The following SNX24 variants were observed in gnomAD, a reference collection of about 807,000 sequenced individuals.
SNX24 encodes sorting nexin 24.
Under a neutral mutation model 28.7 loss-of-function variants are expected in SNX24, and 22 were observed. The observed-to-expected ratio is 0.77, with a 90% CI of 0.55 to 1.10. The LOEUF (loss-of-function observed/expected upper bound fraction) is 1.10. SNX24 is among the 50% of genes least tolerant of loss of function. The probability of loss-of-function intolerance (pLI) is 0.00; values close to 1 mark genes in which losing one functional copy is unlikely to be tolerated. For synonymous variants in SNX24, 69 were observed against 71.5 expected (o/e 0.96, Z 0.18); for missense variants, 221 against 201.1 (o/e 1.10, Z -0.60).
chr5:123,000,610 T>C (rs528684276), intron 4 of SNX24, among the ~76,000 whole-genome samples: 21 of 152,314 alleles, frequency 1.4e-4, no homozygotes, highest in Admixed American at 9.8e-4. Flanking sequence ...TCTAAACCCA[T>C]TGGTCCTAAC....
chr5:122,884,564 C>A (rs901292180), intron 1 of SNX24, among the ~76,000 whole-genome samples: 2 of 151,744 alleles, frequency 1.3e-5, no homozygotes, highest in Non-Finnish European at 2.9e-5. Flanking sequence ...TTCTTTATCA[C>A]ATAAAAAAAA....
chr5:122,999,947 G>T lies in SNX24; in HGVS notation c.285G>T (p.Leu95=), dbSNP rs753471907. The T allele has an allele frequency of 4.3e-6, 7 of 1,613,324 alleles. No individual in the cohort carries two copies. The highest frequency in any genetic ancestry group is 5.9e-6 in the Non-Finnish European group (7 of 1,179,442). ...TAGAAAATGAAGAACTTCCCAAACT[G>T]TTTCTTGATTTCCTAAATGTGCGAC... is the stretch of plus-strand genomic sequence containing the variant. ...VILENEELPK[L]FLDFLNVRHL... The change falls in exon 4 of 7, where the codon CTG becomes CTT. Residue 95 remains leucine (L), a synonymous_variant. Transcript: ENST00000261369.
chr5:123,009,793 G>A (rs1762531748), downstream of SNX24, among the ~76,000 whole-genome samples: 1 of 152,196 alleles, frequency 6.6e-6, no homozygotes, highest in Admixed American at 6.5e-5. Context: ...ACTCCTGGTA[G>A]GTGTCCAAGA....
At chr5:122,974,452 A>G (rs1211853197) in intron 3 of SNX24, among the ~76,000 whole-genome samples, 1 of 152,268 alleles carries the variant, frequency 6.6e-6, no homozygotes, top group African/African-American at 2.4e-5. Context: ...GTGAAGGTGT[A>G]TTGCTGGCCT....
rs372700853 is a variant in SNX24, at chr5:122,899,354, C to T, written c.61-37380C>T. On this transcript the variant is annotated intron_variant, in intron 1 of 6. Coordinates refer to ENST00000261369, the MANE Select transcript of SNX24 (RefSeq NM_014035.4). Reference sequence around the variant, plus strand: ...AGTCCATAGAAATATACCATTTGCACCAGAAAAAATTAGTTCAACATACAG... The same window carrying T: ...AGTCCATAGAAATATACCATTTGCATCAGAAAAAATTAGTTCAACATACAG... Among the ~76,000 whole-genome samples, 8 of 152,184 alleles carry T rather than the reference C, an allele frequency of 5.3e-5. No homozygotes were observed. In the South Asian group the frequency reaches 1.5e-3, roughly 28 times the overall value.
At chr5:122,984,144 A>G (rs577107503) in intron 3 of SNX24, among the ~76,000 whole-genome samples, 1 of 152,108 alleles carries the variant, frequency 6.6e-6, no homozygotes, top group African/African-American at 2.4e-5. Context: ...CTCCCCTCTT[A>G]TGTGCCATAT....
At chr5:123,023,726 A>C (rs1762799539) in intron 5 of SNX24, 1 of 1,249,014 alleles carries the variant, frequency 8.0e-7, no homozygotes, top group Non-Finnish European at 1.0e-6. Context: ...TGACGGTTTG[A>C]TTTTTATAAC....
chr5:122,992,337 C>G (rs1761889703), intron 3 of SNX24, among the ~76,000 whole-genome samples: 1 of 152,124 alleles, frequency 6.6e-6, no homozygotes, highest in African/African-American at 2.4e-5. Flanking sequence ...CTACCACCCA[C>G]CCACATAAGA....
chr5:122,899,217 A>G (rs1259371486), intron 1 of SNX24, among the ~76,000 whole-genome samples: 1 of 152,160 alleles, frequency 6.6e-6, no homozygotes, highest in Non-Finnish European at 1.5e-5. Flanking sequence ...TTGGAGCTAG[A>G]CTAGTAAATC....
chr5:122,936,952 A>T (rs1281321292), intron 2 of SNX24, 135 bp downstream of exon 2: 5 of 467,162 alleles, frequency 1.1e-5, no homozygotes, highest in Non-Finnish European at 1.9e-5. Context: ...TCATAAAGTA[A>T]ATTTCTTTTT....
intron 1 of SNX24, among the ~76,000 whole-genome samples, chr5:122,921,374 A>G (rs1232537173): frequency 6.6e-6 from 1 of 152,226 alleles, no homozygotes; most frequent in Admixed American, 6.5e-5. Context: ...TTTGGAAAAT[A>G]AAGGCACTAA....
intron 3 of SNX24, among the ~76,000 whole-genome samples, chr5:122,970,152 C>G (rs1255458658): frequency 7.3e-5 from 11 of 150,034 alleles, no homozygotes. Flanking sequence ...TCTGGGTCCT[C>G]TGGCTTACTC....
intron 1 of SNX24, among the ~76,000 whole-genome samples, chr5:122,895,080 G>A (rs1001936396): frequency 1.3e-5 from 2 of 148,270 alleles, no homozygotes; most frequent in African/African-American, 5.0e-5. Flanking sequence ...TTTCTTGTTA[G>A]TATTATTCAG....
At chr5:122,939,394 GCTTTCTCATTTAT>G (rs1759340645) in intron 2 of SNX24, among the ~76,000 whole-genome samples, 1 of 152,068 alleles carries the variant, frequency 6.6e-6, no homozygotes, top group South Asian at 2.1e-4. Flanking sequence ...CTATTTATGT[GCTTTCTCATTTAT>G]CTGCTAGTGT....
chr5:122,883,206 C>G (rs1170336576), intron 1 of SNX24, among the ~76,000 whole-genome samples: 3 of 152,120 alleles, frequency 2.0e-5, no homozygotes, highest in Admixed American at 1.3e-4. Context: ...GTGCATGTTT[C>G]CACAGAGGCC....
At chr5:122,956,724 G>A (rs1331288837) in intron 3 of SNX24, among the ~76,000 whole-genome samples, 1 of 151,992 alleles carries the variant, frequency 6.6e-6, no homozygotes, top group Non-Finnish European at 1.5e-5. Flanking sequence ...TATATTAGTC[G>A]TACTGATGGG....
intron 5 of SNX24, among the ~76,000 whole-genome samples, chr5:123,019,301 AAAG>A (rs1376133442): frequency 1.3e-5 from 2 of 152,148 alleles, no homozygotes; most frequent in African/African-American, 2.4e-5. Flanking sequence ...AAAAAAAAAA[AAAG>A]AAGTGCCTTG....
At chr5:122,990,921 A>C (rs1016890083) in intron 3 of SNX24, among the ~76,000 whole-genome samples, 1 of 152,186 alleles carries the variant, frequency 6.6e-6, no homozygotes, top group African/African-American at 2.4e-5. Flanking sequence ...TTTATTGTTG[A>C]GACAGAGTCT....
At chr5:122,890,471 ATTTTTT>A (rs1161406947) in intron 1 of SNX24, among the ~76,000 whole-genome samples, 1 of 138,916 alleles carries the variant, frequency 7.2e-6, no homozygotes, top group Non-Finnish European at 1.5e-5. Flanking sequence ...TTTAGAGGGG[ATTTTTT>A]TTTTTTTTTT....
Sources: allele counts gnomAD v4.1 joint callset (sites outside exome capture counted in the v4.1 genomes callset), GRCh38; gene constraint gnomAD v4.1.1; transcripts MANE v1.5; gene names NCBI Gene and HGNC (gene_info 2026-07-23, HGNC 2026-07-21).